The following SPATA13 variants were observed in gnomAD, a reference collection of about 807,000 sequenced individuals.
SPATA13 encodes the protein spermatogenesis-associated protein 13.
A neutral mutation model predicts 104.0 loss-of-function variants in SPATA13; 50 were observed. The ratio of observed to expected loss-of-function variants is 0.48; its 90% CI spans 0.38 to 0.61. The LOEUF is 0.61. Ranked by LOEUF, SPATA13 falls within the 20% of genes least tolerant of loss-of-function variation. The pLI is 0.00. For missense variants in SPATA13, 1,524 were observed against 1,690.6 expected, an observed-to-expected ratio of 0.90 and a Z score of 1.73; for synonymous variants, 606 against 667.5, an observed-to-expected ratio of 0.91 and a Z score of 1.42.
intron 2 of SPATA13, among the ~76,000 whole-genome samples, chr13:24,228,709 G>GT (rs1303408699): frequency 1.3e-5 from 2 of 152,044 alleles, no homozygotes; most frequent in African/African-American, 4.8e-5. Flanking sequence ...TCAATATACA[G>GT]TTTTTTTATT....
intron 3 of SPATA13, among the ~76,000 whole-genome samples, chr13:24,085,193 G>A (rs551183904): frequency 6.6e-6 from 1 of 152,272 alleles, no homozygotes; most frequent in African/African-American, 2.4e-5. Context: ...TGCAATCTGG[G>A]CTCACTGCAA....
At chr13:24,135,697 CAAAA>C (rs34145507) in intron 3 of SPATA13, among the ~76,000 whole-genome samples, 3 of 82,318 alleles carry the variant, frequency 3.6e-5, no homozygotes, top group Admixed American at 1.4e-4. Flanking sequence ...GAATCCGTCT[CAAAA>C]AAAAAAAAAA....
At chr13:24,163,173 G>T (rs1882579595) in intron 1 of SPATA13, among the ~76,000 whole-genome samples, 1 of 152,208 alleles carries the variant, frequency 6.6e-6, no homozygotes, top group South Asian at 2.1e-4. Context: ...GAGGTAGGAG[G>T]ATTGCTTGAG....
intron 3 of SPATA13, among the ~76,000 whole-genome samples, chr13:24,022,607 T>A (rs1453016170): frequency 6.6e-6 from 1 of 152,222 alleles, no homozygotes; most frequent in Admixed American, 6.5e-5. Flanking sequence ...AATTTTAAGT[T>A]ATATGTTTTC....
chr13:24,059,393 A>G (rs1040842983), intron 3 of SPATA13, among the ~76,000 whole-genome samples: 2 of 146,634 alleles, frequency 1.4e-5, no homozygotes, highest in African/African-American at 4.9e-5. Context: ...ATGTAGAGGG[A>G]GTGCCTTGTG....
rs1205599147 is a variant in SPATA13 at position 24,223,407 on chromosome 13, A to C, written c.478A>C (p.Arg160=). The C allele has an allele frequency of 6.4e-7, 1 of 1,551,196 alleles. No individual in the cohort carries two copies. Among genetic ancestry groups the C allele is most frequent in the Non-Finnish European group, 8.7e-7 (1 of 1,146,988 alleles). ...CGCTGTCCCAGGAGCCCAGGCAAGC[A>C]GGGGCTCCCCCTTAGCACCGGGACC... ...NGAVPGAQAS[R]GSPLAPGPAC... is the part of the protein sequence containing the mutation. The change falls in exon 2 of 13, where the codon AGG becomes CGG. Residue 160 remains arginine (R), a synonymous_variant. Coordinates refer to ENST00000382108, the MANE Select transcript of SPATA13 (RefSeq NM_001166271.3).
Position 24,019,041 on chromosome 13 carries a change from G to A in SPATA13, c.-112+1340G>A, listed in dbSNP as rs189878177. Among the ~76,000 whole-genome samples the A allele has an allele frequency of 2.0e-4, 30 of 151,884 alleles. No individual in the cohort carries two copies. In the East Asian group the frequency reaches 5.2e-3, roughly 26 times the overall value. ...TGGTTGATATTCAGGGAAAGTGAAC[G>A]TGTCTAAAGAAGGGGCTCCTAAGTT... On this transcript the variant is annotated intron_variant, in intron 3 of 14. Transcript: ENST00000424834.
chr13:24,147,816 G>A (rs1881982147), intron 3 of SPATA13, among the ~76,000 whole-genome samples: 1 of 152,124 alleles, frequency 6.6e-6, no homozygotes, highest in African/African-American at 2.4e-5. Context: ...GAGCTTGACC[G>A]CTCTAGATAC....
chr13:24,066,900 A>G (rs1288702346), intron 3 of SPATA13, among the ~76,000 whole-genome samples: 4 of 152,172 alleles, frequency 2.6e-5, no homozygotes, highest in Non-Finnish European at 2.9e-5. Flanking sequence ...ACTGCAACCT[A>G]GGGAGGGGCA....
chr13:24,106,966 C>T (rs1405760757), intron 3 of SPATA13, among the ~76,000 whole-genome samples: 5 of 151,720 alleles, frequency 3.3e-5, no homozygotes, highest in Admixed American at 2.0e-4. Context: ...GGGGAATTGA[C>T]TGATAGGATT....
At chr13:24,086,414 C>T (rs533638790) in intron 3 of SPATA13, among the ~76,000 whole-genome samples, 50 of 152,122 alleles carry the variant, frequency 3.3e-4, no homozygotes, top group African/African-American at 1.1e-3. Flanking sequence ...GTGACAGCTG[C>T]GGTCGAAGAA....
intron 3 of SPATA13, among the ~76,000 whole-genome samples, chr13:24,142,196 A>C (rs959122922): frequency 6.7e-6 from 1 of 149,848 alleles, no homozygotes; most frequent in Admixed American, 6.7e-5. Context: ...CCCCGCCAAT[A>C]TTAACATCTG....
intron 1 of SPATA13, among the ~76,000 whole-genome samples, chr13:24,181,718 G>T (rs1307486947): frequency 6.7e-6 from 1 of 150,354 alleles, no homozygotes; most frequent in Non-Finnish European, 1.5e-5. Flanking sequence ...CCTTCTTCTG[G>T]ACTCTGTCCT....
intron 1 of SPATA13, among the ~76,000 whole-genome samples, chr13:24,165,774 A>T (rs920437616): frequency 6.6e-6 from 1 of 152,180 alleles, no homozygotes; most frequent in South Asian, 2.1e-4. Flanking sequence ...GCTCTGTGTG[A>T]TAGGAACAGT....
At chr13:24,162,107 A>C (rs7336618) in intron 1 of SPATA13, among the ~76,000 whole-genome samples, 68,732 of 151,418 alleles carry the variant, frequency 0.45, 16,386 homozygotes, top group Non-Finnish European at 0.54. Context: ...CTCCTCCCGC[A>C]CTTTAGAGTT....
chr13:24,162,640 ACT>A (rs1321627995), intron 1 of SPATA13: 1 of 153,540 alleles, frequency 6.5e-6, no homozygotes, highest in Non-Finnish European at 1.5e-5. Context: ...CATCTACCAA[ACT>A]CTGGGTGTGT....
rs1247578934 is a variant in SPATA13 at position 24,223,115 on chromosome 13, C to T, written c.186C>T (p.Thr62=). 8 of 1,551,594 alleles carry T rather than the reference C, an allele frequency of 5.2e-6. No homozygotes were observed. Among genetic ancestry groups the T allele is most frequent in the Middle Eastern group, 1.7e-4 (1 of 6,014 alleles). The change falls in exon 2 of 13, where the codon ACC becomes ACT. Residue 62 remains threonine (T), a synonymous_variant. Coordinates refer to ENST00000382108, the MANE Select transcript of SPATA13 (RefSeq NM_001166271.3). ...GCAGCCCTGGTGGCGACACGGACAC[C>T]CAGGAAGCCAAACTCAGCCCAGCCA... ...CGCSPGGDTD[T]QEAKLSPAKL...
At chr13:24,224,786 G>A (rs1272929273) in intron 2 of SPATA13, 1 of 659,304 alleles carries the variant, frequency 1.5e-6, no homozygotes, top group South Asian at 1.6e-5. Flanking sequence ...GAAATAAATT[G>A]ACAATGTACG....
At chr13:24,085,939 A>G (rs533367896) in intron 3 of SPATA13, among the ~76,000 whole-genome samples, 14 of 152,380 alleles carry the variant, frequency 9.2e-5, no homozygotes, top group Non-Finnish European at 1.8e-4. Context: ...GAGAAGCCAG[A>G]GAGGGTTTCC....
Sources: gnomAD v4.1 joint callset for allele counts (sites outside exome capture counted in the v4.1 genomes callset) on GRCh38, gnomAD v4.1.1 for gene constraint, MANE v1.5 for transcripts, NCBI Gene and HGNC (gene_info 2026-07-23, HGNC 2026-07-21) for gene names.